The following EDA2R variants were observed in gnomAD, a reference collection of about 807,000 sequenced individuals.
EDA2R encodes the protein ectodysplasin A2 receptor.
In EDA2R, 26 loss-of-function variants were observed where a neutral mutation model predicts 20.1. The observed-to-expected ratio is 1.30, with a 90% CI of 0.95 to 1.80. EDA2R has a LOEUF of 1.80. EDA2R is among the 40% of genes most tolerant of loss of function. EDA2R has a pLI of 0.00. For missense variants in EDA2R, 277 were observed against 228.7 expected (o/e 1.21, Z -1.36); for synonymous variants, 114 against 88.7 (o/e 1.29, Z -1.60).
chrX:66,625,764 C>T (rs994419199), intron 1 of EDA2R, among the ~76,000 whole-genome samples: 2 of 112,219 alleles, frequency 1.8e-5, no homozygotes, highest in African/African-American at 6.5e-5. Flanking sequence ...GAGAACATTT[C>T]ATCCCTTGAC....
chrX:66,637,774 G>A (rs1435244209), intron 1 of EDA2R, among the ~76,000 whole-genome samples: 5 of 112,240 alleles, frequency 4.5e-5, no homozygotes, highest in African/African-American at 1.3e-4. Flanking sequence ...GTGTGTGCAA[G>A]TATTTTATAT....
chrX:66,605,111 T>C lies in EDA2R; in HGVS notation c.203A>G (p.Asn68Ser). 1 of 1,209,541 alleles carries C rather than the reference T, an allele frequency of 8.3e-7. No homozygotes were observed. Among genetic ancestry groups the C allele is most frequent in the African/African-American group, 1.7e-5 (1 of 57,714 alleles). The change falls in exon 3 of 7, where the codon AAT becomes AGT. Residue 68 changes from asparagine to serine, a missense_variant. By Grantham distance (46) the Asn-to-Ser change is conservative. Transcript: ENST00000374719. ...CQSCITCAVI[N>S]RVQKVNCTAT... ...TGTGCAGTTGACCTTCTGAACACGATTGATGACAGCACAGGTGATGCAACT... is the reference window on the plus strand; with the variant it reads ...TGTGCAGTTGACCTTCTGAACACGACTGATGACAGCACAGGTGATGCAACT...
chrX:66,611,065 C>T (rs1930656836), intron 2 of EDA2R, among the ~76,000 whole-genome samples: 1 of 111,443 alleles, frequency 9.0e-6, no homozygotes, highest in Non-Finnish European at 1.9e-5. Context: ...CTAAATGGAC[C>T]AAGTGACCTG....
chrX:66,625,101 G>A (rs1048783955), intron 1 of EDA2R, among the ~76,000 whole-genome samples: 5 of 111,888 alleles, frequency 4.5e-5, no homozygotes, highest in Non-Finnish European at 7.5e-5. Flanking sequence ...AGGGGAAAAT[G>A]CCACGGGGAA....
intron 2 of EDA2R, among the ~76,000 whole-genome samples, chrX:66,614,726 C>T (rs1412694306): frequency 9.0e-6 from 1 of 111,705 alleles, no homozygotes; most frequent in South Asian, 3.8e-4. Context: ...ATAAAGTGGG[C>T]TAGATAATTA....
intron 2 of EDA2R, among the ~76,000 whole-genome samples, chrX:66,614,740 T>C (rs1029960345): frequency 8.9e-6 from 1 of 112,030 alleles, no homozygotes; most frequent in African/African-American, 3.2e-5. Context: ...ATAATTATTA[T>C]GTTGTTTTCC....
intron 1 of EDA2R, among the ~76,000 whole-genome samples, chrX:66,621,738 T>C (rs1184363906): frequency 1.8e-5 from 2 of 111,863 alleles, no homozygotes; most frequent in Non-Finnish European, 3.8e-5. Flanking sequence ...TATCAGGGCC[T>C]GGGGAGAAAG....
chrX:66,599,407 C>G, intron 6 of EDA2R, 67 bp downstream of exon 6: 2 of 1,047,086 alleles, frequency 1.9e-6, no homozygotes, highest in Non-Finnish European at 2.5e-6. Flanking sequence ...AAGAGAATTC[C>G]TTGAGGTTAG....
Position 66,595,762 on chromosome X carries a change from C to T in EDA2R, c.*2342G>A, listed in dbSNP as rs1272511021. ...AGTTAACAAAATTTCTATAAATAACCCATTTATGAGAAAAAATAATTAAAA... is the reference window on the plus strand; with the variant it reads ...AGTTAACAAAATTTCTATAAATAACTCATTTATGAGAAAAAATAATTAAAA... On this transcript the variant is annotated 3_prime_UTR_variant, in exon 7 of 7. Transcript: ENST00000374719. 3.6e-5 allele frequency: 4 copies of T among 111,568 alleles called. No homozygotes were observed. Among genetic ancestry groups the T allele is most frequent in the African/African-American group, 1.3e-4 (4 of 30,668 alleles). The allele number at this position is 111,568 out of a possible 1,213,427, so 9.2% of individuals were successfully genotyped here. A position where few individuals can be genotyped will look rare whatever the true frequency, so the allele number is the denominator to read the frequency against.
intron 5 of EDA2R, among the ~76,000 whole-genome samples, chrX:66,601,986 C>T (rs1928691944): frequency 8.9e-6 from 1 of 111,830 alleles, no homozygotes; most frequent in Admixed American, 9.5e-5. Context: ...ATGGACTGGG[C>T]TAGACCTCTT....
At position 66,604,330 on chromosome X, in the gene EDA2R, G is replaced by A. The variant is rs772009698; in HGVS notation, c.352+91C>T. On this transcript the variant is annotated intron_variant, in intron 4 of 6. Coordinates refer to ENST00000374719, the MANE Select transcript of EDA2R (RefSeq NM_021783.5). Reference sequence around the variant, plus strand: ...CTTGCCACTCTACTCTACATGAAAAGGTATGAGGGGATATGGGTAGTCTTT... The same window carrying A: ...CTTGCCACTCTACTCTACATGAAAAAGTATGAGGGGATATGGGTAGTCTTT... 93 of 782,485 alleles carry A rather than the reference G, an allele frequency of 1.2e-4. No homozygotes were observed. In the African/African-American group the frequency reaches 1.7e-3, roughly 14 times the overall value. The allele number at this position is 782,485 out of a possible 1,213,427, so 64.5% of individuals were successfully genotyped here.
At chrX:66,621,491 G>T (rs1016889485) in intron 1 of EDA2R, among the ~76,000 whole-genome samples, 4 of 111,957 alleles carry the variant, frequency 3.6e-5, no homozygotes, top group African/African-American at 1.3e-4. Context: ...CAAAAAGTGG[G>T]GAAAATCCAC....
chrX:66,612,599 T>C (rs1930965038), intron 2 of EDA2R, among the ~76,000 whole-genome samples: 1 of 110,675 alleles, frequency 9.0e-6, no homozygotes, highest in South Asian at 3.8e-4. Flanking sequence ...AAAATGTTCA[T>C]GGAACCCACA....
Position 66,604,614 on chromosome X carries a change from G to A in EDA2R, c.267-108C>T, listed in dbSNP as rs762564890. ...AAGAATCTTGCCAACCTGAAAGTAA[G>A]TGCCCACCCCTCTTTCTGAGTTATC... On this transcript the variant is annotated intron_variant, in intron 3 of 6. Coordinates refer to ENST00000374719, the MANE Select transcript of EDA2R (RefSeq NM_021783.5). 1.0e-5 allele frequency: 7 copies of A among 680,512 alleles called. No individual in the cohort carries two copies. In the African/African-American group the frequency reaches 1.5e-4, roughly 15 times the overall value. 56.1% of individuals were successfully genotyped at this position (680,512 alleles called of 1,213,427 possible).
rs1927732162 is a variant in EDA2R at position 66,597,829 on chromosome X, A to G, written c.*275T>C. ...TTCACTGTCCTCTCTCCTCTTCTCT[A>G]TAATCAAGTTGAGCTAGGAACATGT... On this transcript the variant is annotated 3_prime_UTR_variant, in exon 7 of 7. Transcript: ENST00000374719. 5.7e-6 allele frequency: 1 copy of G among 174,285 alleles called. No individual in the cohort carries two copies. The highest frequency in any genetic ancestry group is 3.0e-5 in the African/African-American group (1 of 32,794). 14.4% of individuals were successfully genotyped at this position (174,285 alleles called of 1,213,427 possible).
intron 1 of EDA2R, among the ~76,000 whole-genome samples, chrX:66,637,365 C>T (rs760337169): frequency 9.0e-6 from 1 of 111,565 alleles, no homozygotes; most frequent in Admixed American, 9.5e-5. Context: ...CTTGTGTTTT[C>T]CTATTCCAAT....
chrX:66,612,044 T>TA (rs1187093784), intron 2 of EDA2R, among the ~76,000 whole-genome samples: 3 of 111,699 alleles, frequency 2.7e-5, no homozygotes, highest in African/African-American at 9.7e-5. Flanking sequence ...AGTACTGAAA[T>TA]AAAAAAACTG....
chrX:66,617,784 C>G (rs932767035), intron 1 of EDA2R, among the ~76,000 whole-genome samples: 22 of 110,778 alleles, frequency 2.0e-4, no homozygotes, highest in Admixed American at 1.8e-3. Context: ...GCAAGGCAGG[C>G]TTGGTGCCAA....
intron 2 of EDA2R, among the ~76,000 whole-genome samples, chrX:66,613,553 A>T (rs755098654): frequency 8.9e-6 from 1 of 112,021 alleles, no homozygotes; most frequent in South Asian, 3.7e-4. Context: ...TCATGAAAAT[A>T]TCTATTATTC....
Sources: allele counts gnomAD v4.1 joint callset (sites outside exome capture counted in the v4.1 genomes callset), GRCh38; gene constraint gnomAD v4.1.1; transcripts MANE v1.5; gene names NCBI Gene and HGNC (gene_info 2026-07-23, HGNC 2026-07-21).